Variants in MOXD1 observed in about 807,000 individuals in gnomAD.
MOXD1 encodes monooxygenase DBH like 1, also known as DBH-like monooxygenase protein 1.
A neutral mutation model predicts 66.6 loss-of-function variants in MOXD1; 62 were observed. That is an observed-to-expected ratio of 0.93 (90% CI 0.76 to 1.15). MOXD1 has a LOEUF of 1.15. Ranked by LOEUF, MOXD1 falls within the 50% of genes most tolerant of loss-of-function variation. MOXD1 has a pLI of 0.00. For synonymous variants in MOXD1, 303 were observed against 281.9 expected, an observed-to-expected ratio of 1.07 and a Z score of -0.75; for missense variants, 847 against 754.6, an observed-to-expected ratio of 1.12 and a Z score of -1.44.
At chr6:132,308,989 T>C (rs929226117) in intron 10 of MOXD1, among the ~76,000 whole-genome samples, 3 of 152,214 alleles carry the variant, frequency 2.0e-5, no homozygotes, top group Non-Finnish European at 4.4e-5. Flanking sequence ...TCACCACTCC[T>C]GTTCAACATA....
intron 4 of MOXD1, among the ~76,000 whole-genome samples, chr6:132,340,164 C>G (rs920130384): frequency 6.6e-6 from 1 of 151,878 alleles, no homozygotes; most frequent in Non-Finnish European, 1.5e-5. Flanking sequence ...ATTACAGGTG[C>G]GAGCCACCGC....
chr6:132,386,433 C>CAAAAAAAAAAA (rs143926667), intron 1 of MOXD1, among the ~76,000 whole-genome samples: 1 of 65,114 alleles, frequency 1.5e-5, no homozygotes, highest in Admixed American at 1.7e-4. Flanking sequence ...CAAAACAAAA[C>CAAAAAAAAAAA]AAAAAAAAAA....
chr6:132,332,008 G>A (rs1361857429), intron 4 of MOXD1, among the ~76,000 whole-genome samples: 1 of 152,204 alleles, frequency 6.6e-6, no homozygotes, highest in Non-Finnish European at 1.5e-5. Flanking sequence ...CAGAGGTGCA[G>A]TGCCAGACTG....
intron 1 of MOXD1, among the ~76,000 whole-genome samples, chr6:132,396,846 A>G (rs1466772553): frequency 6.6e-6 from 1 of 152,234 alleles, no homozygotes; most frequent in African/African-American, 2.4e-5. Flanking sequence ...ACCTGAATAG[A>G]CCAACAATCA....
chr6:132,329,520 C>A (rs1348280285), intron 4 of MOXD1, among the ~76,000 whole-genome samples: 2 of 152,086 alleles, frequency 1.3e-5, no homozygotes, highest in Non-Finnish European at 2.9e-5. Context: ...GTCTCCCTCT[C>A]TTCCACCTCA....
At chr6:132,374,486 TAA>T (rs10557781) in intron 2 of MOXD1, 143 bp downstream of exon 2, 177,364 of 839,386 alleles carry the variant, frequency 0.21, 24,651 homozygotes, top group African/African-American at 0.67. Flanking sequence ...AAGAAAAAAC[TAA>T]AAAAAAAACT....
chr6:132,334,759 G>T (rs1200198920), intron 4 of MOXD1, among the ~76,000 whole-genome samples: 3 of 152,168 alleles, frequency 2.0e-5, no homozygotes, highest in African/African-American at 7.2e-5. Flanking sequence ...GGGCAGAGCT[G>T]GGGGGATAGA....
intron 1 of MOXD1, among the ~76,000 whole-genome samples, chr6:132,393,467 C>T (rs1292076937): frequency 3.3e-5 from 5 of 152,128 alleles, no homozygotes; most frequent in South Asian, 2.1e-4. Flanking sequence ...GCTGGGAGCC[C>T]GGAGAGGCTC....
At position 132,374,430 on chromosome 6, in the gene MOXD1, T is replaced by C. The variant is rs550215029; in HGVS notation, c.411+201A>G. Among the ~76,000 whole-genome samples the C allele has an allele frequency of 3.9e-5, 6 of 152,106 alleles. No homozygotes were observed. The South Asian group carries it at 1.0e-3, about 26-fold the overall frequency. ...TAAACTCACACAAAAATGGATTTTATTGAAATTTTTGGTCTTACACATTTT... is the reference window on the plus strand; with the variant it reads ...TAAACTCACACAAAAATGGATTTTACTGAAATTTTTGGTCTTACACATTTT... On this transcript the variant is annotated intron_variant, in intron 2 of 11. Coordinates refer to ENST00000367963, the MANE Select transcript of MOXD1 (RefSeq NM_015529.4).
At chr6:132,392,226 G>A in intron 1 of MOXD1, 1 of 1,599,848 alleles carries the variant, frequency 6.3e-7, no homozygotes, top group African/African-American at 1.3e-5. Context: ...TCAGCAAGTG[G>A]CCCGGCAGCA....
intron 4 of MOXD1, 65 bp from the exon 5 acceptor site, chr6:132,328,659 A>T: frequency 1.4e-6 from 2 of 1,427,380 alleles, no homozygotes; most frequent in Non-Finnish European, 1.9e-6. Context: ...TCCCACAACA[A>T]ACGTGAAACT....
At chr6:132,349,452 C>CATATATATATACAT (rs1775752540) in intron 4 of MOXD1, among the ~76,000 whole-genome samples, 1 of 74,204 alleles carries the variant, frequency 1.3e-5, no homozygotes, top group Non-Finnish European at 2.4e-5. Context: ...TATATATATA[C>CATATATATATACAT]ATATATATAT....
At chr6:132,299,679 G>A (rs9493277) in intron 10 of MOXD1, among the ~76,000 whole-genome samples, 2,840 of 152,070 alleles carry the variant, frequency 0.019, 89 homozygotes, top group African/African-American at 0.066. Flanking sequence ...ATTGATTCCT[G>A]AAAAAGGGAA....
intron 10 of MOXD1, among the ~76,000 whole-genome samples, chr6:132,303,883 ATATACAT>A (rs1156683368): frequency 1.7e-4 from 8 of 46,842 alleles, no homozygotes; most frequent in African/African-American, 1.4e-3. Context: ...ATATATACAT[ATATACAT>A]AAAACCTTAG....
At chr6:132,389,972 A>T (rs371239412) in intron 1 of MOXD1, among the ~76,000 whole-genome samples, 2 of 151,642 alleles carry the variant, frequency 1.3e-5, no homozygotes. Context: ...ATTTTTGTTG[A>T]TCTGTCTTCT....
chr6:132,375,465 C>T (rs1194545746), intron 1 of MOXD1, among the ~76,000 whole-genome samples: 1 of 152,138 alleles, frequency 6.6e-6, no homozygotes, highest in African/African-American at 2.4e-5. Flanking sequence ...GGCTCTGTCG[C>T]CCAGGCTGGA....
At chr6:132,351,335 G>T (rs562160089) in intron 4 of MOXD1, among the ~76,000 whole-genome samples, 35 of 152,232 alleles carry the variant, frequency 2.3e-4, no homozygotes, top group African/African-American at 7.9e-4. Context: ...ACTTTGCTAA[G>T]AGTTTTAATC....
intron 11 of MOXD1, 128 bp downstream of exon 11, chr6:132,297,659 A>C: frequency 8.6e-7 from 1 of 1,164,758 alleles, no homozygotes. Flanking sequence ...CATTGAACAA[A>C]AATTATCAGA....
chr6:132,299,383 AT>A (rs1774479373), intron 10 of MOXD1, among the ~76,000 whole-genome samples: 1 of 152,168 alleles, frequency 6.6e-6, no homozygotes, highest in Admixed American at 6.6e-5. Context: ...TTCACACAAT[AT>A]ACCATTGTAA....
Sources: allele counts gnomAD v4.1 joint callset (sites outside exome capture counted in the v4.1 genomes callset), GRCh38; gene constraint gnomAD v4.1.1; transcripts MANE v1.5; gene names NCBI Gene and HGNC (gene_info 2026-07-23, HGNC 2026-07-21).